Variants in NUP35 observed in about 807,000 individuals in gnomAD.
The protein encoded by NUP35 is nucleoporin NUP35.
In NUP35, 25 loss-of-function variants were observed where a neutral mutation model predicts 41.5. The observed-to-expected ratio is 0.60, with a 90% CI of 0.44 to 0.84. NUP35 has a LOEUF of 0.84. NUP35 is among the 40% of genes least tolerant of loss of function. NUP35 has a pLI of 0.00. For missense variants in NUP35, 396 were observed against 396.6 expected (o/e 1.00, Z 0.01); for synonymous variants, 149 against 130.7 (o/e 1.14, Z -0.96).
chr2:183,140,714 T>G (rs1037693407), intron 4 of NUP35, among the ~76,000 whole-genome samples: 4 of 150,502 alleles, frequency 2.7e-5, no homozygotes, highest in Non-Finnish European at 5.9e-5. Flanking sequence ...TCCCAGCTAC[T>G]CAGGAGGCTG....
chr2:183,124,921 T>TAAAATAAGTTCTTTTTGA (rs1276496893), intron 1 of NUP35, among the ~76,000 whole-genome samples: 1 of 149,582 alleles, frequency 6.7e-6, no homozygotes, highest in African/African-American at 2.6e-5. Context: ...CTGAAGTGTG[T>TAAAATAAGTTCTTTTTGA]GGGTGCAGTC....
At chr2:183,122,697 A>G (rs1360644720), upstream of NUP35, among the ~76,000 whole-genome samples, 1 of 151,900 alleles carries the variant, frequency 6.6e-6, no homozygotes, top group East Asian at 2.0e-4. Flanking sequence ...GACTCAAGTG[A>G]TCAACCCCTC....
At chr2:183,130,324 C>G in intron 2 of NUP35, 94 bp from the exon 3 acceptor site, 1 of 1,301,282 alleles carries the variant, frequency 7.7e-7, no homozygotes. Flanking sequence ...AACTAACAGA[C>G]AAGATTTTAA....
intron 4 of NUP35, among the ~76,000 whole-genome samples, chr2:183,145,211 T>C (rs1685239041): frequency 6.6e-6 from 1 of 152,224 alleles, no homozygotes; most frequent in Admixed American, 6.5e-5. Context: ...CTTAAAAATA[T>C]AACAGCACTT....
upstream of NUP35, chr2:183,123,927 G>A: frequency 1.9e-6 from 1 of 528,956 alleles, no homozygotes; most frequent in Non-Finnish European, 2.4e-6. Flanking sequence ...TATGAGTTAC[G>A]CTTTAATGTA....
At chr2:183,125,603 GTATT>G (rs1684438060) in intron 1 of NUP35, among the ~76,000 whole-genome samples, 1 of 152,138 alleles carries the variant, frequency 6.6e-6, no homozygotes, top group Non-Finnish European at 1.5e-5. Flanking sequence ...TGTCGTCTTG[GTATT>G]TATTTTTAAT....
At chr2:183,123,749 A>T, upstream of NUP35, 1 of 982,868 alleles carries the variant, frequency 1.0e-6, no homozygotes, top group Non-Finnish European at 1.2e-6. Context: ...AAAGAAAAGC[A>T]GCAAAGTGAG....
chr2:183,127,544 T>C (rs1684539350), intron 1 of NUP35, among the ~76,000 whole-genome samples: 1 of 152,352 alleles, frequency 6.6e-6, no homozygotes, highest in South Asian at 2.1e-4. Context: ...CTCTAATATA[T>C]GCATGGTTAC....
chr2:183,157,063 C>T (rs541844034), intron 5 of NUP35, among the ~76,000 whole-genome samples: 1 of 152,216 alleles, frequency 6.6e-6, no homozygotes, highest in South Asian at 2.1e-4. Flanking sequence ...AATTCTTTAT[C>T]TTTTCATAAC....
chr2:183,124,252 G>T (rs1298109126), upstream of NUP35: 5 of 1,330,728 alleles, frequency 3.8e-6, no homozygotes, highest in Non-Finnish European at 4.9e-6. Flanking sequence ...CCACCTTCCC[G>T]GTGCAAAAAC....
chr2:183,159,583 A>T lies in NUP35; in HGVS notation c.834A>T (p.Gly278=). The change falls in exon 8 of 9, where the codon GGA becomes GGT. Residue 278 remains glycine, a synonymous_variant. Coordinates refer to ENST00000295119, the MANE Select transcript of NUP35 (RefSeq NM_138285.5). ...IKTLGTPTQP[G]STPRISTMRP... ...CTCTAGGTACACCAACACAACCTGG[A>T]AGTACTCCTAGGATTTCTACCATGA... 1 of 1,613,100 alleles carries T rather than the reference A, an allele frequency of 6.2e-7. No individual in the cohort carries two copies. The highest frequency in any genetic ancestry group is 2.2e-5 in the East Asian group (1 of 44,806).
upstream of NUP35, chr2:183,124,411 G>A: frequency 6.2e-7 from 1 of 1,614,022 alleles, no homozygotes; most frequent in Non-Finnish European, 8.5e-7. Context: ...CGCCATTTTT[G>A]AAAATTAATT....
intron 4 of NUP35, among the ~76,000 whole-genome samples, chr2:183,136,973 C>T (rs987720788): frequency 3.3e-5 from 5 of 151,994 alleles, no homozygotes; most frequent in Admixed American, 6.6e-5. Flanking sequence ...GCTTGTAATC[C>T]CAGCTACTTG....
At chr2:183,119,340 G>A (rs1338209702) in intron 1 of NUP35, among the ~76,000 whole-genome samples, 1 of 152,140 alleles carries the variant, frequency 6.6e-6, no homozygotes, top group Non-Finnish European at 1.5e-5. Context: ...AATAGGAAAA[G>A]TTATGGTCCC....
At chr2:183,129,339 A>G (rs1394360880) in intron 2 of NUP35, among the ~76,000 whole-genome samples, 5 of 152,226 alleles carry the variant, frequency 3.3e-5, no homozygotes, top group African/African-American at 1.2e-4. Context: ...TCGAAGTTTT[A>G]ACTGAGTAGT....
At chr2:183,139,927 TA>T (rs1473374388) in intron 4 of NUP35, among the ~76,000 whole-genome samples, 4 of 152,238 alleles carry the variant, frequency 2.6e-5, no homozygotes, top group African/African-American at 9.6e-5. Context: ...CTAATATATG[TA>T]AATATTGTTT....
At chr2:183,131,452 T>C (rs1684693065) in intron 3 of NUP35, 1 of 152,300 alleles carries the variant, frequency 6.6e-6, no homozygotes. Flanking sequence ...TTCAAGAATA[T>C]TAGAAAGCAT....
At chr2:183,154,891 A>T (rs1021717964) in intron 5 of NUP35, among the ~76,000 whole-genome samples, 1 of 152,220 alleles carries the variant, frequency 6.6e-6, no homozygotes, top group Non-Finnish European at 1.5e-5. Context: ...TTACAGTTCC[A>T]CATGGCTGGG....
At chr2:183,135,233 G>A (rs1408314917) in intron 4 of NUP35, among the ~76,000 whole-genome samples, 2 of 152,120 alleles carry the variant, frequency 1.3e-5, no homozygotes, top group African/African-American at 4.8e-5. Flanking sequence ...CATCATTTGG[G>A]GACCTACCCA....
Sources: allele counts gnomAD v4.1 joint callset (sites outside exome capture counted in the v4.1 genomes callset), GRCh38; gene constraint gnomAD v4.1.1; transcripts MANE v1.5; gene names NCBI Gene and HGNC (gene_info 2026-07-23, HGNC 2026-07-21).